The following TANGO2 variants were observed in gnomAD, a reference collection of about 807,000 sequenced individuals.
The protein encoded by TANGO2 is transport and Golgi organization protein 2 homolog.
Under a neutral mutation model 39.1 loss-of-function variants are expected in TANGO2, and 26 were observed. That is an observed-to-expected ratio of 0.67 (90% CI 0.49 to 0.92). The LOEUF is 0.92. TANGO2 is among the 40% of genes least tolerant of loss of function. The pLI, the probability that TANGO2 is intolerant of heterozygous loss-of-function variation, is 0.00. For missense variants in TANGO2, 326 were observed against 360.1 expected, an observed-to-expected ratio of 0.91 and a Z score of 0.77; for synonymous variants, 131 against 144.5, an observed-to-expected ratio of 0.91 and a Z score of 0.67.
chr22:20,052,576 G>A lies in TANGO2; in HGVS notation c.257G>A (p.Arg86Gln), dbSNP rs764219300. The change falls in exon 4 of 9, where the codon CGA becomes CAA. Residue 86 changes from arginine (R) to glutamine (Q), a missense_variant. Arg to Gln is a conservative substitution (Grantham distance 43). Transcript: ENST00000327374. Reference sequence around the variant, plus strand: ...CAGCCGCAGCTGGACTGGCAGGCCCGAGGGCGAGGTAAGGCGAGTGGGGTG... The same window carrying A: ...CAGCCGCAGCTGGACTGGCAGGCCCAAGGGCGAGGTAAGGCGAGTGGGGTG... ...YLQPQLDWQARGRGELVTHFL... is the reference protein window; with the variant it reads ...YLQPQLDWQAQGRGELVTHFL... The A allele has an allele frequency of 3.2e-6, 5 of 1,572,304 alleles. No homozygotes were observed. The highest frequency in any genetic ancestry group is 2.3e-5 in the East Asian group (1 of 42,794).
intron 1 of TANGO2, among the ~76,000 whole-genome samples, chr22:20,033,388 G>A (rs2146979479): frequency 6.6e-6 from 1 of 152,360 alleles, no homozygotes; most frequent in Non-Finnish European, 1.5e-5. Context: ...AGCTAGGATG[G>A]TGGGGTCCTG....
At chr22:20,035,606 CG>C (rs1266540576) in intron 1 of TANGO2, among the ~76,000 whole-genome samples, 1 of 152,218 alleles carries the variant, frequency 6.6e-6, no homozygotes, top group African/African-American at 2.4e-5. Context: ...AGTCACCCAG[CG>C]TGTCCCCGGC....
chr22:20,037,220 C>G, intron 2 of TANGO2: 1 of 1,136,812 alleles, frequency 8.8e-7, no homozygotes, highest in Non-Finnish European at 1.2e-6. Context: ...CGGGTCACAG[C>G]TGCTGGTGAG....
intron 8 of TANGO2, 184 bp downstream of exon 8, chr22:20,063,626 C>T (rs922114444): frequency 1.4e-4 from 83 of 592,198 alleles, no homozygotes; most frequent in Non-Finnish European, 2.2e-4. Context: ...GCTCCCGGGG[C>T]CCCACAGGCT....
intron 5 of TANGO2, chr22:20,053,845 C>T (rs1462213344): frequency 4.4e-6 from 2 of 453,654 alleles, no homozygotes; most frequent in Non-Finnish European, 4.4e-6. Flanking sequence ...TGTCCTCCCT[C>T]CCACGGGCAG....
At chr22:20,046,731 G>A (rs1037710536) in intron 3 of TANGO2, among the ~76,000 whole-genome samples, 1 of 152,084 alleles carries the variant, frequency 6.6e-6, no homozygotes, top group Admixed American at 6.6e-5. Flanking sequence ...CATGTGCCAT[G>A]TTGGTTTGCT....
chr22:20,021,712 G>A (rs2039717376), intron 1 of TANGO2, among the ~76,000 whole-genome samples: 1 of 152,210 alleles, frequency 6.6e-6, no homozygotes, highest in Non-Finnish European at 1.5e-5. Flanking sequence ...GTCAGAGGTA[G>A]GGGCTGGCAG....
chr22:20,044,359 CA>C (rs940146647), intron 3 of TANGO2, among the ~76,000 whole-genome samples: 20 of 150,854 alleles, frequency 1.3e-4, no homozygotes, highest in African/African-American at 4.4e-4. Flanking sequence ...CCTGTCTCTA[CA>C]AAAAAAAATA....
rs545133069 is a variant in TANGO2 at position 20,027,088 on chromosome 22, G to A, written c.-40+5842G>A. ...AGGCCTCAGGAAACTTACAATCATGGCAGAAGGAAAAGCAGGAGCCAGCAC... is the reference window on the plus strand; with the variant it reads ...AGGCCTCAGGAAACTTACAATCATGACAGAAGGAAAAGCAGGAGCCAGCAC... On this transcript the variant is annotated intron_variant, in intron 1 of 8. Transcript: ENST00000327374. 7.2e-5 allele frequency among the ~76,000 whole-genome samples: 11 copies of A among 152,338 alleles called. 1 individual carries two copies. In the South Asian group the frequency reaches 2.3e-3, roughly 32 times the overall value.
intron 1 of TANGO2, among the ~76,000 whole-genome samples, chr22:20,023,791 G>C (rs1177078677): frequency 6.7e-6 from 1 of 150,244 alleles, no homozygotes; most frequent in African/African-American, 2.5e-5. Flanking sequence ...CCAGGAGGCA[G>C]AGCTTGCAGT....
intron 1 of TANGO2, among the ~76,000 whole-genome samples, chr22:20,024,584 C>T (rs548856334): frequency 1.3e-5 from 2 of 152,318 alleles, no homozygotes; most frequent in South Asian, 4.1e-4. Context: ...GCCATTGAGG[C>T]CATTAAATGG....
In TANGO2 at chr22:20,024,495, C is replaced by A. The variant is rs7287655; in HGVS notation, c.-40+3249C>A. Among the ~76,000 whole-genome samples the A allele has an allele frequency of 6.7e-3, 1,028 of 152,350 alleles. 6 individuals carry two copies. Among genetic ancestry groups the A allele is most frequent in the Admixed American group, 0.013 (196 of 15,310 alleles). On this transcript the variant is annotated intron_variant, in intron 1 of 8. Coordinates refer to ENST00000327374, the MANE Select transcript of TANGO2 (RefSeq NM_152906.7). ...TTTCAAGCTCTGCCCCTGGGGGCTG[C>A]CACCGCTGATGGAGTGGGGATTACA...
chr22:20,044,190 C>T (rs1256677186), intron 3 of TANGO2, among the ~76,000 whole-genome samples: 2 of 152,156 alleles, frequency 1.3e-5, no homozygotes, highest in African/African-American at 4.8e-5. Flanking sequence ...GATGTGTGAC[C>T]TCGTGGGCCC....
intron 5 of TANGO2, chr22:20,055,106 G>C (rs979577415): frequency 6.6e-6 from 1 of 152,202 alleles, no homozygotes; most frequent in African/African-American, 2.4e-5. Context: ...CTCTGCATCT[G>C]TTCCATCTTG....
intron 8 of TANGO2, chr22:20,063,693 G>A: frequency 2.4e-6 from 1 of 421,828 alleles, no homozygotes; most frequent in Non-Finnish European, 4.2e-6. Context: ...AGGGCTGCCT[G>A]CACATTGGTG....
At chr22:20,033,913 A>AAT in intron 1 of TANGO2, among the ~76,000 whole-genome samples, 1 of 152,244 alleles carries the variant, frequency 6.6e-6, no homozygotes, top group African/African-American at 2.4e-5. Flanking sequence ...TAGCTTCCTA[A>AAT]GAGTTCTTTT....
At chr22:20,056,312 G>A (rs779565776) in intron 6 of TANGO2, 28 of 612,414 alleles carry the variant, frequency 4.6e-5, no homozygotes, top group Admixed American at 1.3e-4. Flanking sequence ...TTCCTGTGCC[G>A]TCCCAGTGTG....
chr22:20,026,482 C>A (rs1236752975), intron 1 of TANGO2, among the ~76,000 whole-genome samples: 1 of 152,090 alleles, frequency 6.6e-6, no homozygotes, highest in Non-Finnish European at 1.5e-5. Context: ...ACAGGGAGGG[C>A]CTTTAGCAGG....
rs545821492 is a variant in TANGO2, at chr22:20,047,683, G to C, written c.145+4240G>C. ...ATTCGGCCTGGTCCCCCCACTCCCT[G>C]GGCTGGGTCCTGGAGCCTCTCTAAT... is the stretch of plus-strand genomic sequence containing the variant. On this transcript the variant is annotated intron_variant, in intron 3 of 8. Transcript: ENST00000327374. Among the ~76,000 whole-genome samples the C allele has an allele frequency of 7.2e-4, 109 of 152,272 alleles. 1 individual carries two copies. Among genetic ancestry groups the C allele is most frequent in the Admixed American group, 2.2e-3 (33 of 15,300 alleles).
Sources: gnomAD v4.1 joint callset for allele counts (sites outside exome capture counted in the v4.1 genomes callset) on GRCh38, gnomAD v4.1.1 for gene constraint, MANE v1.5 for transcripts, NCBI Gene and HGNC (gene_info 2026-07-23, HGNC 2026-07-21) for gene names.